The following TTBK2 variants were observed in gnomAD, a reference collection of about 807,000 sequenced individuals.
The protein encoded by TTBK2 is tau-tubulin kinase 2.
A neutral mutation model predicts 110.8 loss-of-function variants in TTBK2; 28 were observed. That is an observed-to-expected ratio of 0.25 (90% CI 0.19 to 0.35). The LOEUF (loss-of-function observed/expected upper bound fraction) is 0.35, where lower values mean the gene tolerates loss of function less well. Ranked by LOEUF, TTBK2 falls within the 10% of genes least tolerant of loss-of-function variation. TTBK2 has a pLI of 1.00. For synonymous variants in TTBK2, 532 were observed against 527.3 expected (o/e 1.01, Z -0.12); for missense variants, 1,369 against 1,500.3 (o/e 0.91, Z 1.45).
chr15:42,801,308 C>T, intron 9 of TTBK2: 2 of 1,604,756 alleles, frequency 1.2e-6, no homozygotes, highest in South Asian at 2.2e-5. Context: ...CACGCAGCTG[C>T]CGCGCCATGT....
intron 1 of TTBK2, among the ~76,000 whole-genome samples, chr15:42,885,742 T>C (rs984044232): frequency 1.3e-5 from 2 of 152,130 alleles, no homozygotes; most frequent in African/African-American, 4.8e-5. Flanking sequence ...TCCATGTCTC[T>C]ACCCTTCTCT....
At chr15:42,849,144 G>A (rs1893592580) in intron 3 of TTBK2, among the ~76,000 whole-genome samples, 1 of 151,772 alleles carries the variant, frequency 6.6e-6, no homozygotes, top group African/African-American at 2.4e-5. Flanking sequence ...ATAGGTCACT[G>A]AGGCTCTGTT....
intron 1 of TTBK2, among the ~76,000 whole-genome samples, chr15:42,879,346 G>T (rs775334222): frequency 6.6e-6 from 1 of 152,150 alleles, no homozygotes; most frequent in Non-Finnish European, 1.5e-5. Flanking sequence ...AGACAGTAAA[G>T]GGTGCTGTAC....
chr15:42,758,812 C>T (rs1268014885), intron 13 of TTBK2, among the ~76,000 whole-genome samples: 1 of 152,164 alleles, frequency 6.6e-6, no homozygotes, highest in African/African-American at 2.4e-5. Flanking sequence ...CTCACTGCCA[C>T]TGCAAACACC....
intron 13 of TTBK2, among the ~76,000 whole-genome samples, chr15:42,773,437 A>G (rs1406137023): frequency 1.4e-5 from 1 of 71,228 alleles, no homozygotes; most frequent in Non-Finnish European, 3.0e-5. Context: ...ACTGTGTCTC[A>G]GTAAAGAAAG....
At chr15:42,773,036 C>G (rs1019617717) in intron 13 of TTBK2, among the ~76,000 whole-genome samples, 1 of 152,022 alleles carries the variant, frequency 6.6e-6, no homozygotes, top group Non-Finnish European at 1.5e-5. Context: ...AACTTGCTAT[C>G]CCTGAAATAT....
intron 3 of TTBK2, among the ~76,000 whole-genome samples, chr15:42,854,135 G>C (rs915124881): frequency 1.3e-5 from 2 of 151,904 alleles, no homozygotes; most frequent in African/African-American, 4.8e-5. Flanking sequence ...AGGGTCTCTC[G>C]CTATGCTGCC....
At chr15:42,753,365 G>T in intron 13 of TTBK2, 118 bp from the exon 14 acceptor site, 1 of 1,066,878 alleles carries the variant, frequency 9.4e-7, no homozygotes, top group Non-Finnish European at 1.4e-6. Flanking sequence ...TGTTGACCAG[G>T]TCTGCCCAAC....
rs945592201 is a variant in TTBK2 at position 42,741,901 on chromosome 15, T to C, written c.*3894A>G. 1 of 152,190 alleles carries C rather than the reference T, an allele frequency of 6.6e-6. No individual in the cohort carries two copies. Among genetic ancestry groups the C allele is most frequent in the African/African-American group, 2.4e-5 (1 of 41,438 alleles). 9.4% of individuals were successfully genotyped at this position (152,190 alleles called of 1,614,324 possible). ...CTCTTGGGGAAAAAAAAAGCATCTG[T>C]TTTTAATTCAAAGCTCTGGGTATAG... On this transcript the variant is annotated 3_prime_UTR_variant, in exon 15 of 15. Transcript: ENST00000267890.
intron 4 of TTBK2, among the ~76,000 whole-genome samples, chr15:42,833,084 A>G (rs1291729269): frequency 6.6e-6 from 1 of 152,044 alleles, no homozygotes; most frequent in Non-Finnish European, 1.5e-5. Flanking sequence ...AGCAGAAAAG[A>G]TAACTAGTGG....
At chr15:42,902,168 A>G (rs1311089920) in intron 1 of TTBK2, among the ~76,000 whole-genome samples, 2 of 149,510 alleles carry the variant, frequency 1.3e-5, no homozygotes, top group African/African-American at 5.0e-5. Context: ...GTGAGCCAAG[A>G]TCGTGCCATT....
At chr15:42,836,816 T>C (rs1893002969) in intron 4 of TTBK2, among the ~76,000 whole-genome samples, 1 of 152,214 alleles carries the variant, frequency 6.6e-6, no homozygotes, top group Non-Finnish European at 1.5e-5. Flanking sequence ...GCCTAAAGAA[T>C]ACTGGGTTCA....
intron 9 of TTBK2, among the ~76,000 whole-genome samples, chr15:42,799,333 G>T (rs544750292): frequency 3.3e-5 from 5 of 152,058 alleles, no homozygotes; most frequent in Non-Finnish European, 7.4e-5. Context: ...TCATGCTGCT[G>T]CACTCCAGCC....
intron 13 of TTBK2, among the ~76,000 whole-genome samples, chr15:42,763,193 T>TATATATATA (rs1567009144): frequency 3.0e-4 from 1 of 3,374 alleles, no homozygotes; most frequent in Non-Finnish European, 5.3e-4. Context: ...TATATATATA[T>TATATATATA]TTTTTTTTTT....
chr15:42,882,413 G>C (rs1596019223), intron 1 of TTBK2, among the ~76,000 whole-genome samples: 1 of 151,718 alleles, frequency 6.6e-6, no homozygotes, highest in Non-Finnish European at 1.5e-5. Context: ...AGCCTGGCTA[G>C]CATGGTGAAA....
At chr15:42,881,298 A>AG (rs1178716093) in intron 1 of TTBK2, among the ~76,000 whole-genome samples, 55 of 151,298 alleles carry the variant, frequency 3.6e-4, no homozygotes, top group African/African-American at 1.3e-3. Context: ...AAAAAAAAAA[A>AG]AAAAAAAAAT....
At chr15:42,789,990 C>T (rs1423021155) in intron 10 of TTBK2, among the ~76,000 whole-genome samples, 1 of 151,902 alleles carries the variant, frequency 6.6e-6, no homozygotes, top group Non-Finnish European at 1.5e-5. Context: ...CTTATTTGGT[C>T]AACTAATTTT....
intron 13 of TTBK2, among the ~76,000 whole-genome samples, chr15:42,767,676 C>A (rs1316085084): frequency 6.6e-6 from 1 of 152,140 alleles, no homozygotes; most frequent in Non-Finnish European, 1.5e-5. Flanking sequence ...CATATTCTAC[C>A]AGAGGTACAA....
intron 14 of TTBK2, among the ~76,000 whole-genome samples, chr15:42,749,454 T>TCC (rs2061836601): frequency 6.6e-6 from 1 of 152,142 alleles, no homozygotes; most frequent in African/African-American, 2.4e-5. Context: ...CAGCTACCCA[T>TCC]CCCCCATTCC....
Sources: allele counts gnomAD v4.1 joint callset (sites outside exome capture counted in the v4.1 genomes callset), GRCh38; gene constraint gnomAD v4.1.1; transcripts MANE v1.5; gene names NCBI Gene and HGNC (gene_info 2026-07-23, HGNC 2026-07-21).